ATP8A1: variants seen among roughly 807,000 people sequenced by gnomAD.
ATP8A1 encodes the protein ATPase phospholipid transporting 8A1.
In ATP8A1, 90 loss-of-function variants were observed where a neutral mutation model predicts 177.7. The ratio of observed to expected loss-of-function variants is 0.51; its 90% CI spans 0.43 to 0.60. The LOEUF (loss-of-function observed/expected upper bound fraction) is 0.60. ATP8A1 is among the 20% of genes least tolerant of loss of function. The pLI is 0.00. For missense variants in ATP8A1, 1,072 were observed against 1,392.8 expected, an observed-to-expected ratio of 0.77 and a Z score of 3.67; for synonymous variants, 493 against 485.9, an observed-to-expected ratio of 1.01 and a Z score of -0.19.
intron 20 of ATP8A1, among the ~76,000 whole-genome samples, chr4:42,541,929 A>G (rs1018063910): frequency 1.3e-5 from 2 of 152,210 alleles, no homozygotes; most frequent in African/African-American, 4.8e-5. Context: ...AAAATACTGT[A>G]TATGATACCA....
intron 14 of ATP8A1, among the ~76,000 whole-genome samples, chr4:42,571,668 T>C (rs1296426165): frequency 6.6e-6 from 1 of 152,130 alleles, no homozygotes; most frequent in African/African-American, 2.4e-5. Flanking sequence ...AAATGTCTGG[T>C]TTGTCATAAG....
At chr4:42,637,586 T>G (rs1428155860) in intron 1 of ATP8A1, among the ~76,000 whole-genome samples, 2 of 152,204 alleles carry the variant, frequency 1.3e-5, no homozygotes, top group Non-Finnish European at 2.9e-5. Flanking sequence ...GAGACATCAC[T>G]TGTCATATGG....
intron 35 of ATP8A1, among the ~76,000 whole-genome samples, chr4:42,418,694 C>T (rs1451477734): frequency 6.6e-6 from 1 of 152,078 alleles, no homozygotes; most frequent in Non-Finnish European, 1.5e-5. Context: ...GCATTTATTT[C>T]TACCATAACC....
intron 4 of ATP8A1, among the ~76,000 whole-genome samples, chr4:42,621,951 G>C (rs932998453): frequency 6.6e-6 from 1 of 152,074 alleles, no homozygotes; most frequent in African/African-American, 2.4e-5. Flanking sequence ...TCTGATCTTC[G>C]ACAAAGCTGA....
intron 25 of ATP8A1, among the ~76,000 whole-genome samples, chr4:42,470,657 A>AGAAGGTAAAT (rs1423775414): frequency 2.6e-5 from 4 of 152,216 alleles, no homozygotes; most frequent in Non-Finnish European, 4.4e-5. Context: ...CTTAAAAATT[A>AGAAGGTAAAT]CTATGAAGTT....
intron 33 of ATP8A1, among the ~76,000 whole-genome samples, chr4:42,438,218 G>C (rs1475210002): frequency 6.6e-6 from 1 of 152,194 alleles, no homozygotes; most frequent in Non-Finnish European, 1.5e-5. Context: ...CTCTGGAGCT[G>C]TTTGACCTTC....
chr4:42,655,067 C>T (rs2109598808), intron 1 of ATP8A1, among the ~76,000 whole-genome samples: 1 of 152,326 alleles, frequency 6.6e-6, no homozygotes, highest in East Asian at 1.9e-4. Context: ...ATTCACTCAC[C>T]AAGCACCACT....
chr4:42,605,512 G>T (rs1246417052), intron 5 of ATP8A1, among the ~76,000 whole-genome samples: 1 of 152,166 alleles, frequency 6.6e-6, no homozygotes, highest in East Asian at 1.9e-4. Flanking sequence ...AGATCCAACA[G>T]ATTATGCCAG....
intron 27 of ATP8A1, among the ~76,000 whole-genome samples, chr4:42,462,080 T>C (rs1719227114): frequency 6.6e-6 from 1 of 152,184 alleles, no homozygotes; most frequent in Admixed American, 6.5e-5. Flanking sequence ...GTTAAAGGCA[T>C]TCAGTTTTGT....
intron 4 of ATP8A1, among the ~76,000 whole-genome samples, chr4:42,620,289 T>C (rs922566147): frequency 7.9e-5 from 12 of 152,216 alleles, no homozygotes; most frequent in African/African-American, 2.9e-4. Context: ...TAAACTACTC[T>C]TACAATTTCT....
intron 1 of ATP8A1, among the ~76,000 whole-genome samples, chr4:42,629,042 T>G (rs1359424437): frequency 1.3e-5 from 2 of 152,212 alleles, no homozygotes; most frequent in African/African-American, 4.8e-5. Flanking sequence ...CACTGGATAT[T>G]GCTATCCACT....
intron 18 of ATP8A1, among the ~76,000 whole-genome samples, chr4:42,550,533 T>C (rs1729398542): frequency 6.6e-6 from 1 of 152,230 alleles, no homozygotes; most frequent in Admixed American, 6.5e-5. Context: ...CCAAAGGGAC[T>C]TTACCACTTT....
chr4:42,569,435 G>A lies in ATP8A1; in HGVS notation c.1296-230C>T, dbSNP rs568974366. Among the ~76,000 whole-genome samples, 139 of 152,228 alleles carry A rather than the reference G, an allele frequency of 9.1e-4. 3 individuals carry two copies. In the South Asian group the frequency reaches 0.015, roughly 17 times the overall value. Reference sequence around the variant, plus strand: ...TATCCTGTAACTGTATAGCCAATTTGCCTCTTCACCAGAACATTTACTGAT... The same window carrying A: ...TATCCTGTAACTGTATAGCCAATTTACCTCTTCACCAGAACATTTACTGAT... On this transcript the variant is annotated intron_variant, in intron 14 of 36. Coordinates refer to ENST00000381668, the MANE Select transcript of ATP8A1 (RefSeq NM_006095.2).
intron 5 of ATP8A1, among the ~76,000 whole-genome samples, chr4:42,602,529 C>T (rs922720530): frequency 6.6e-6 from 1 of 152,090 alleles, no homozygotes; most frequent in African/African-American, 2.4e-5. Flanking sequence ...TTTGGGAGGC[C>T]GAGGTGAGCG....
intron 1 of ATP8A1, among the ~76,000 whole-genome samples, chr4:42,656,457 C>CA (rs895022182): frequency 2.0e-5 from 3 of 151,416 alleles, no homozygotes; most frequent in African/African-American, 7.3e-5. Context: ...TAGGGGGTTG[C>CA]AAAACGGTGG....
chr4:42,512,512 C>A (rs1331555006), intron 22 of ATP8A1, among the ~76,000 whole-genome samples: 4 of 152,138 alleles, frequency 2.6e-5, no homozygotes, highest in Non-Finnish European at 5.9e-5. Context: ...GCCGGGGATA[C>A]AATAGTGAGT....
intron 4 of ATP8A1, among the ~76,000 whole-genome samples, chr4:42,618,110 A>C (rs1737096124): frequency 6.6e-6 from 1 of 152,220 alleles, no homozygotes; most frequent in Non-Finnish European, 1.5e-5. Context: ...GTATTGTATA[A>C]ACAGTGTTAT....
rs1712301655 is a variant in ATP8A1, at chr4:42,409,152, C to G, written c.*3764G>C. On this transcript the variant is annotated 3_prime_UTR_variant, in exon 37 of 37. Coordinates refer to ENST00000381668, the MANE Select transcript of ATP8A1 (RefSeq NM_006095.2). ...AACTTTACAAGGCAGAAATAAACAT[C>G]AAGATTTACAGCAATAGCCATGCAT... is the stretch of plus-strand genomic sequence containing the variant. 1 of 152,120 alleles carries G rather than the reference C, an allele frequency of 6.6e-6. No homozygotes were observed. 9.4% of individuals were successfully genotyped at this position (152,120 alleles called of 1,614,324 possible).
chr4:42,566,474 T>C (rs932839313), intron 15 of ATP8A1, among the ~76,000 whole-genome samples: 1 of 152,168 alleles, frequency 6.6e-6, no homozygotes, highest in Non-Finnish European at 1.5e-5. Flanking sequence ...TTGGTTTCAT[T>C]GGCAATGTGA....
Sources: gnomAD v4.1 joint callset for allele counts (sites outside exome capture counted in the v4.1 genomes callset) on GRCh38, gnomAD v4.1.1 for gene constraint, MANE v1.5 for transcripts, NCBI Gene and HGNC (gene_info 2026-07-23, HGNC 2026-07-21) for gene names.